Variants in UBE2V2 observed in about 807,000 individuals in gnomAD.
UBE2V2 encodes ubiquitin-conjugating enzyme E2 variant 2.
UBE2V2 carries 9 observed loss-of-function variants against 17.2 expected under a neutral mutation model. That is an observed-to-expected ratio of 0.52 (90% CI 0.32 to 0.91). The LOEUF (loss-of-function observed/expected upper bound fraction) is 0.91, where lower values mean the gene tolerates loss of function less well. Among genes scored for constraint, UBE2V2 ranks in the 40% least tolerant of loss-of-function variants. The probability of loss-of-function intolerance (pLI) is 0.04; values close to 1 mark genes in which losing one functional copy is unlikely to be tolerated. For missense variants in UBE2V2, 133 were observed against 182.6 expected (o/e 0.73, Z 1.56); for synonymous variants, 61 against 57.5 (o/e 1.06, Z -0.28).
chr8:48,001,374 C>T, the UBE2V2 span, among the ~76,000 whole-genome samples: 2 of 152,072 alleles, frequency 1.3e-5, no homozygotes, highest in African/African-American at 4.8e-5. Context: ...CCGAGGTGGG[C>T]GGATCACTTG....
chr8:48,047,867 AG>A (rs1257268539), intron 2 of UBE2V2, among the ~76,000 whole-genome samples: 1 of 152,126 alleles, frequency 6.6e-6, no homozygotes, highest in African/African-American at 2.4e-5. Flanking sequence ...TAAAATTTAG[AG>A]GGGATAAAAT....
intron 3 of UBE2V2, among the ~76,000 whole-genome samples, chr8:48,050,895 C>T (rs977503673): frequency 4.6e-5 from 7 of 152,116 alleles, no homozygotes; most frequent in Non-Finnish European, 7.4e-5. Flanking sequence ...GGGTTTCACT[C>T]TGTCCCCCAG....
At chr8:48,015,062 A>T (rs2091259772) in intron 1 of UBE2V2, among the ~76,000 whole-genome samples, 1 of 150,920 alleles carries the variant, frequency 6.6e-6, no homozygotes, top group Non-Finnish European at 1.5e-5. Context: ...AAAAAAAAAA[A>T]AAAAAAAAAT....
intron 1 of UBE2V2, among the ~76,000 whole-genome samples, chr8:48,022,277 A>G (rs1457138377): frequency 6.6e-6 from 1 of 151,790 alleles, no homozygotes; most frequent in Non-Finnish European, 1.5e-5. Context: ...AGCTGATTAC[A>G]GGCGGCTGCC....
intron 1 of UBE2V2, among the ~76,000 whole-genome samples, chr8:48,040,941 T>C (rs2091459262): frequency 7.1e-6 from 1 of 140,476 alleles, no homozygotes; most frequent in Non-Finnish European, 1.5e-5. Context: ...CTCGGCTCAC[T>C]GCAAGCTCTG....
At chr8:48,000,559 T>C in the UBE2V2 span, among the ~76,000 whole-genome samples, 2 of 152,064 alleles carry the variant, frequency 1.3e-5, no homozygotes, top group African/African-American at 4.8e-5. Context: ...CAGTGGCTCA[T>C]GCCTGTAATC....
At chr8:48,044,192 G>T (rs1054777329) in intron 2 of UBE2V2, among the ~76,000 whole-genome samples, 5 of 152,046 alleles carry the variant, frequency 3.3e-5, no homozygotes, top group Admixed American at 2.0e-4. Context: ...ACAACATCTT[G>T]TTCAGCCACC....
intron 1 of UBE2V2, among the ~76,000 whole-genome samples, chr8:48,037,077 G>C (rs2091429867): frequency 6.6e-6 from 1 of 152,192 alleles, no homozygotes; most frequent in Admixed American, 6.5e-5. Context: ...TACTTGGAAG[G>C]CTGAGGCAGG....
At chr8:48,051,320 C>T (rs1231371371) in intron 3 of UBE2V2, among the ~76,000 whole-genome samples, 1 of 152,126 alleles carries the variant, frequency 6.6e-6, no homozygotes, top group Non-Finnish European at 1.5e-5. Context: ...TTTTAGGAAG[C>T]AAAATAACAT....
chr8:48,049,817 G>A, intron 2 of UBE2V2, 36 bp from the exon 3 acceptor site: 1 of 1,519,832 alleles, frequency 6.6e-7, no homozygotes, highest in Non-Finnish European at 8.9e-7. Flanking sequence ...TTTAGGTATT[G>A]TTATTTTGAT....
At chr8:48,007,727 C>T (rs1277952372), upstream of UBE2V2, among the ~76,000 whole-genome samples, 1 of 101,372 alleles carries the variant, frequency 9.9e-6, no homozygotes, top group African/African-American at 3.9e-5. Flanking sequence ...TATTACTTTC[C>T]TTTTTCTTTC....
intron 1 of UBE2V2, among the ~76,000 whole-genome samples, chr8:48,017,648 C>T (rs1456779967): frequency 6.6e-6 from 1 of 152,088 alleles, no homozygotes; most frequent in African/African-American, 2.4e-5. Context: ...GCTAGGATTA[C>T]AGGCGAGAGC....
intron 1 of UBE2V2, among the ~76,000 whole-genome samples, chr8:48,025,825 C>T (rs918799146): frequency 1.3e-5 from 2 of 148,996 alleles, no homozygotes; most frequent in African/African-American, 2.4e-5. Flanking sequence ...TGGTCTCAAT[C>T]TCCTGACCTC....
intron 2 of UBE2V2, among the ~76,000 whole-genome samples, chr8:48,046,662 C>T (rs982770937): frequency 5.3e-5 from 8 of 152,108 alleles, no homozygotes; most frequent in South Asian, 2.1e-4. Flanking sequence ...TGTAGTGGCC[C>T]GATCACACCT....
chr8:48,050,059 G>A, intron 3 of UBE2V2, 81 bp downstream of exon 3: 1 of 972,052 alleles, frequency 1.0e-6, no homozygotes, highest in African/African-American at 1.7e-5. Flanking sequence ...CATAATATAT[G>A]TAAGATATTA....
intron 1 of UBE2V2, among the ~76,000 whole-genome samples, chr8:48,022,040 G>T (rs756011454): frequency 2.0e-5 from 3 of 151,732 alleles, no homozygotes; most frequent in Non-Finnish European, 2.9e-5. Context: ...AGTTACAAAA[G>T]GTTATTTTAA....
At chr8:48,016,869 C>T (rs2091272548) in intron 1 of UBE2V2, among the ~76,000 whole-genome samples, 1 of 149,046 alleles carries the variant, frequency 6.7e-6, no homozygotes, top group Admixed American at 6.7e-5. Flanking sequence ...TGACTGCAAC[C>T]TCCACCTCCA....
chr8:48,000,842 A>G, the UBE2V2 span, among the ~76,000 whole-genome samples: 1 of 150,610 alleles, frequency 6.6e-6, no homozygotes, highest in Non-Finnish European at 1.5e-5. Flanking sequence ...AAAAAAAAAA[A>G]AAAAAAAGAA....
chr8:48,060,855 A>T lies in UBE2V2; in HGVS notation c.*27A>T. On this transcript the variant is annotated 3_prime_UTR_variant, in exon 4 of 4. Coordinates refer to ENST00000523111, the MANE Select transcript of UBE2V2 (RefSeq NM_003350.3). ...TTTAGTGGATCTCAAACTTGTCTTA[A>T]ATCAACAACCTTCTACTCATGTTAA... is the stretch of plus-strand genomic sequence containing the variant. 6.7e-7 allele frequency: 1 copy of T among 1,483,896 alleles called. No homozygotes were observed. The highest frequency in any genetic ancestry group is 9.0e-7 in the Non-Finnish European group (1 of 1,115,746). The allele number at this position is 1,483,896 out of a possible 1,614,324, so 91.9% of individuals were successfully genotyped here. A position where few individuals can be genotyped will look rare whatever the true frequency, so the allele number is the denominator to read the frequency against.
Sources: allele counts gnomAD v4.1 joint callset (sites outside exome capture counted in the v4.1 genomes callset), GRCh38; gene constraint gnomAD v4.1.1; transcripts MANE v1.5; gene names NCBI Gene and HGNC (gene_info 2026-07-23, HGNC 2026-07-21).